Variants in IL1RAPL1 observed in about 807,000 individuals in gnomAD.
IL1RAPL1 encodes interleukin-1 receptor accessory protein-like 1.
A neutral mutation model predicts 48.4 loss-of-function variants in IL1RAPL1; 3 were observed. The ratio of observed to expected loss-of-function variants is 0.06; its 90% CI spans 0.03 to 0.16. IL1RAPL1 has a LOEUF of 0.16. IL1RAPL1 is among the 10% of genes least tolerant of loss of function. IL1RAPL1 has a pLI of 1.00. For missense variants in IL1RAPL1, 349 were observed against 530.6 expected, an observed-to-expected ratio of 0.66 and a Z score of 3.36; for synonymous variants, 185 against 187.7, an observed-to-expected ratio of 0.99 and a Z score of 0.12.
chrX:29,766,349 A>C (rs1377024590), intron 6 of IL1RAPL1, among the ~76,000 whole-genome samples: 1 of 84,121 alleles, frequency 1.2e-5, no homozygotes, highest in Non-Finnish European at 2.1e-5. Context: ...AAAAATATAT[A>C]TATATATATA....
chrX:28,821,039 C>T (rs925058727), intron 2 of IL1RAPL1, among the ~76,000 whole-genome samples: 6 of 111,068 alleles, frequency 5.4e-5, no homozygotes, highest in South Asian at 3.8e-4. Context: ...ATAATAACAC[C>T]GGACGCTGTC....
intron 5 of IL1RAPL1, among the ~76,000 whole-genome samples, chrX:29,421,547 GAA>G (rs374967311): frequency 1.9e-5 from 2 of 104,084 alleles, no homozygotes; most frequent in South Asian, 8.2e-4. Flanking sequence ...GAGAGTAACA[GAA>G]AAAAAAATCT....
intron 2 of IL1RAPL1, among the ~76,000 whole-genome samples, chrX:29,020,896 C>T (rs745440737): frequency 8.9e-6 from 1 of 112,146 alleles, no homozygotes; most frequent in Admixed American, 9.4e-5. Context: ...CACCTAATTT[C>T]TGATCATTTT....
At chrX:29,122,116 T>A (rs1460802614) in intron 2 of IL1RAPL1, among the ~76,000 whole-genome samples, 6 of 110,874 alleles carry the variant, frequency 5.4e-5, no homozygotes, top group Non-Finnish European at 9.4e-5. Flanking sequence ...ATATTTTATC[T>A]TTAAATTTAA....
At chrX:29,047,435 T>C (rs905898996) in intron 2 of IL1RAPL1, among the ~76,000 whole-genome samples, 2 of 112,582 alleles carry the variant, frequency 1.8e-5, no homozygotes, top group African/African-American at 3.2e-5. Flanking sequence ...ACAACACAGA[T>C]AGCATATTGT....
intron 5 of IL1RAPL1, among the ~76,000 whole-genome samples, chrX:29,584,219 T>G (rs1288532840): frequency 1.8e-5 from 2 of 111,336 alleles, no homozygotes; most frequent in South Asian, 3.8e-4. Context: ...GTACTATATT[T>G]CCAAAAGCCT....
chrX:28,697,919 A>G (rs974638852), intron 1 of IL1RAPL1, among the ~76,000 whole-genome samples: 4 of 110,935 alleles, frequency 3.6e-5, no homozygotes, highest in South Asian at 3.8e-4. Context: ...CTGACACTCA[A>G]CAGTGCTGGG....
At chrX:28,621,691 A>G (rs1322898140) in intron 1 of IL1RAPL1, among the ~76,000 whole-genome samples, 2 of 111,993 alleles carry the variant, frequency 1.8e-5, no homozygotes, top group African/African-American at 6.5e-5. Context: ...CTAAATCTTT[A>G]GTTTCTTATT....
chrX:28,823,912 A>G (rs1036187482), intron 2 of IL1RAPL1, among the ~76,000 whole-genome samples: 3 of 111,547 alleles, frequency 2.7e-5, no homozygotes, highest in African/African-American at 9.8e-5. Flanking sequence ...ACATGTTCAC[A>G]TATTCTAAGG....
intron 3 of IL1RAPL1, among the ~76,000 whole-genome samples, chrX:29,291,152 T>C (rs1266465096): frequency 9.0e-6 from 1 of 111,709 alleles, no homozygotes; most frequent in Non-Finnish European, 1.9e-5. Flanking sequence ...GTTCCCTGAA[T>C]ACAACTGCTC....
chrX:28,734,568 G>A (rs1273442410), intron 1 of IL1RAPL1, among the ~76,000 whole-genome samples: 1 of 100,052 alleles, frequency 1.0e-5, no homozygotes, highest in East Asian at 3.1e-4. Context: ...TTTTTTTAAT[G>A]TGGCTCTTCC....
chrX:28,956,954 TATTCAGAG>T (rs2147359190), intron 2 of IL1RAPL1, among the ~76,000 whole-genome samples: 1 of 111,073 alleles, frequency 9.0e-6, no homozygotes, highest in African/African-American at 3.3e-5. Context: ...GTTATTGGTC[TATTCAGAG>T]ATTCAACTTC....
chrX:28,946,435 A>G lies in IL1RAPL1; in HGVS notation c.82+157010A>G, dbSNP rs1207775672. Among the ~76,000 whole-genome samples, 6 of 111,037 alleles carry G rather than the reference A, an allele frequency of 5.4e-5. No individual in the cohort carries two copies. In the East Asian group the frequency reaches 1.4e-3, roughly 26 times the overall value. On this transcript the variant is annotated intron_variant, in intron 2 of 10. Transcript: ENST00000378993. ...TTAGGTATATAATTATAGAAAACTT[A>G]CTTTCTCAACCCCTCACTTTCTCAT... is the stretch of plus-strand genomic sequence containing the variant.
chrX:29,561,054 C>T lies in IL1RAPL1; in HGVS notation c.704-107376C>T, dbSNP rs1021244566. Reference sequence around the variant, plus strand: ...AGTCAGCCTGACATTCTAGGGGTCTCGCAGACCTTTACTATGGATACACCT... The same window carrying T: ...AGTCAGCCTGACATTCTAGGGGTCTTGCAGACCTTTACTATGGATACACCT... On this transcript the variant is annotated intron_variant, in intron 5 of 10. Transcript: ENST00000378993. 8.9e-5 allele frequency among the ~76,000 whole-genome samples: 10 copies of T among 111,967 alleles called. No homozygotes were observed. The South Asian group carries it at 1.5e-3, about 17-fold the overall frequency.
chrX:29,758,118 G>T (rs1449429693), intron 6 of IL1RAPL1, among the ~76,000 whole-genome samples: 2 of 111,530 alleles, frequency 1.8e-5, no homozygotes, highest in Non-Finnish European at 3.8e-5. Flanking sequence ...TCATCAAGTA[G>T]ACATTCCCTC....
chrX:29,074,974 T>C (rs1927639049), intron 2 of IL1RAPL1, among the ~76,000 whole-genome samples: 1 of 112,346 alleles, frequency 8.9e-6, no homozygotes, highest in African/African-American at 3.2e-5. Context: ...AGATTTGAAC[T>C]GAGGTAAACA....
intron 6 of IL1RAPL1, among the ~76,000 whole-genome samples, chrX:29,709,660 T>C (rs1177979180): frequency 9.0e-6 from 1 of 111,651 alleles, no homozygotes; most frequent in Non-Finnish European, 1.9e-5. Flanking sequence ...TCTTTGCTGG[T>C]TCCATATGAA....
chrX:28,776,964 T>C (rs758175110), intron 1 of IL1RAPL1, among the ~76,000 whole-genome samples: 1 of 112,299 alleles, frequency 8.9e-6, no homozygotes, highest in East Asian at 2.8e-4. Context: ...CCTGTTAGCT[T>C]TCTGGCTTTT....
chrX:29,501,961 C>A (rs1935280303), intron 5 of IL1RAPL1, among the ~76,000 whole-genome samples: 1 of 110,672 alleles, frequency 9.0e-6, no homozygotes. Flanking sequence ...AATCAATGAG[C>A]ATGAAAAATC....
Sources: allele counts gnomAD v4.1 joint callset (sites outside exome capture counted in the v4.1 genomes callset), GRCh38; gene constraint gnomAD v4.1.1; transcripts MANE v1.5; gene names NCBI Gene and HGNC (gene_info 2026-07-23, HGNC 2026-07-21).